BAZ1B: variants seen among roughly 807,000 people sequenced by gnomAD.
The protein encoded by BAZ1B is tyrosine-protein kinase BAZ1B.
Under a neutral mutation model 153.8 loss-of-function variants are expected in BAZ1B, and 22 were observed. The ratio of observed to expected loss-of-function variants is 0.14; its 90% CI spans 0.10 to 0.20. BAZ1B has a LOEUF of 0.20. BAZ1B is among the 10% of genes least tolerant of loss of function. The pLI is 1.00. For synonymous variants in BAZ1B, 676 were observed against 633.4 expected, an observed-to-expected ratio of 1.07 and a Z score of -1.01; for missense variants, 1,325 against 1,799.3, an observed-to-expected ratio of 0.74 and a Z score of 4.77.
At chr7:73,465,142 C>A (rs528631526) in intron 11 of BAZ1B, among the ~76,000 whole-genome samples, 30 of 152,268 alleles carry the variant, frequency 2.0e-4, no homozygotes, top group African/African-American at 6.7e-4. Context: ...TGGACACCCA[C>A]CCATCTGGGC....
chr7:73,467,601 G>A (rs548568291), intron 9 of BAZ1B, among the ~76,000 whole-genome samples: 1 of 152,168 alleles, frequency 6.6e-6, no homozygotes, highest in Non-Finnish European at 1.5e-5. Flanking sequence ...TAACTCTTGA[G>A]CTCAAGTGAT....
At chr7:73,507,315 T>C (rs1280832246) in intron 3 of BAZ1B, 1 of 152,128 alleles carries the variant, frequency 6.6e-6, no homozygotes, top group African/African-American at 2.4e-5. Flanking sequence ...TCCCAGCACT[T>C]TGGAAGGCCA....
chr7:73,510,870 G>A lies in BAZ1B; in HGVS notation c.108-18C>T. On this transcript the variant is annotated intron_variant, in intron 1 of 19. Coordinates refer to ENST00000339594, the MANE Select transcript of BAZ1B (RefSeq NM_032408.4). ...CATACTCTCTGTTGGCAGTAGTTCA[G>A]GAAAACAATATGCAAGCAACAGAGA... is the stretch of plus-strand genomic sequence containing the variant. 1 of 1,605,322 alleles carries A rather than the reference G, an allele frequency of 6.2e-7. No individual in the cohort carries two copies. The highest frequency in any genetic ancestry group is 2.2e-5 in the East Asian group (1 of 44,826).
intron 9 of BAZ1B, among the ~76,000 whole-genome samples, chr7:73,467,365 T>C (rs1432334089): frequency 3.3e-5 from 5 of 151,984 alleles, no homozygotes; most frequent in Admixed American, 6.6e-5. Context: ...ATTGGGTAAT[T>C]TATTTATTTT....
intron 1 of BAZ1B, 89 bp from the exon 2 acceptor site, chr7:73,510,941 A>G: frequency 9.3e-7 from 1 of 1,077,818 alleles, no homozygotes; most frequent in Non-Finnish European, 1.4e-6. Flanking sequence ...AAAAAAATCT[A>G]GTCTCCTTTT....
At chr7:73,476,046 T>C (rs1328669156) in intron 7 of BAZ1B, among the ~76,000 whole-genome samples, 1 of 152,142 alleles carries the variant, frequency 6.6e-6, no homozygotes, top group African/African-American at 2.4e-5. Context: ...AACATTATGC[T>C]AAGTGAAAGT....
chr7:73,483,815 G>A (rs1056099299), intron 6 of BAZ1B, among the ~76,000 whole-genome samples: 1 of 151,906 alleles, frequency 6.6e-6, no homozygotes, highest in African/African-American at 2.4e-5. Flanking sequence ...TTAATTTTTT[G>A]TGTATGTAGA....
chr7:73,509,942 C>T (rs528309806), intron 2 of BAZ1B, among the ~76,000 whole-genome samples: 1 of 151,090 alleles, frequency 6.6e-6, no homozygotes, highest in Admixed American at 6.6e-5. Context: ...GCCTGGCTAA[C>T]ATGGTGAAAC....
At chr7:73,507,655 T>C (rs1044662802) in intron 3 of BAZ1B, among the ~76,000 whole-genome samples, 2 of 152,142 alleles carry the variant, frequency 1.3e-5, no homozygotes, top group Non-Finnish European at 2.9e-5. Context: ...CAACAAAGTG[T>C]TGCAATTATT....
intron 7 of BAZ1B, among the ~76,000 whole-genome samples, chr7:73,476,267 C>T (rs1428761578): frequency 2.6e-5 from 4 of 152,076 alleles, no homozygotes; most frequent in East Asian, 1.9e-4. Flanking sequence ...ACTGAAAACA[C>T]TAAATTATAC....
intron 11 of BAZ1B, among the ~76,000 whole-genome samples, chr7:73,463,692 C>A (rs189748489): frequency 3.9e-5 from 6 of 152,012 alleles, no homozygotes; most frequent in Non-Finnish European, 5.9e-5. Context: ...TGTATACCGA[C>A]ATTTTCCTTT....
chr7:73,447,846 T>A (rs1402370470), intron 15 of BAZ1B, among the ~76,000 whole-genome samples: 1 of 152,240 alleles, frequency 6.6e-6, no homozygotes, highest in Non-Finnish European at 1.5e-5. Flanking sequence ...AGCTTGCAGA[T>A]GACCATAATA....
chr7:73,469,712 C>T (rs1788724493), intron 8 of BAZ1B, 62 bp from the exon 9 acceptor site: 1 of 1,581,324 alleles, frequency 6.3e-7, no homozygotes, highest in Admixed American at 1.7e-5. Flanking sequence ...GATGATTTTA[C>T]TGCTGGAGAA....
chr7:73,469,145 A>G (rs1424601003), intron 9 of BAZ1B, among the ~76,000 whole-genome samples: 86 of 151,828 alleles, frequency 5.7e-4, no homozygotes, highest in Admixed American at 1.2e-3. Flanking sequence ...AAAAAAAAAA[A>G]AAGAAGAAGA....
At position 73,460,390 on chromosome 7, in the gene BAZ1B, C is replaced by G. The variant is rs150390976; in HGVS notation, c.3250-672G>C. Among the ~76,000 whole-genome samples, 352 of 152,212 alleles carry G rather than the reference C, an allele frequency of 2.3e-3. 2 individuals carry two copies. The highest frequency in any genetic ancestry group is 8.3e-3 in the African/African-American group (346 of 41,532). ...AGAAAGTAAAATAAAAATTCACTGACTTTCCATCTTAATGTTTTTTTAATT... is the reference window on the plus strand; with the variant it reads ...AGAAAGTAAAATAAAAATTCACTGAGTTTCCATCTTAATGTTTTTTTAATT... On this transcript the variant is annotated intron_variant, in intron 12 of 19. Transcript: ENST00000339594.
At chr7:73,499,426 C>T (rs1790040302) in intron 3 of BAZ1B, among the ~76,000 whole-genome samples, 1 of 152,120 alleles carries the variant, frequency 6.6e-6, no homozygotes, top group African/African-American at 2.4e-5. Flanking sequence ...ACCTTTCCAC[C>T]TCTATCAAAA....
At chr7:73,462,899 G>A (rs889421549) in intron 12 of BAZ1B, 23 bp downstream of exon 12, 13 of 1,611,938 alleles carry the variant, frequency 8.1e-6, no homozygotes, top group Admixed American at 1.7e-5. Flanking sequence ...AGTAATCTAA[G>A]GGGGATTTTC....
intron 5 of BAZ1B, 119 bp downstream of exon 5, chr7:73,492,681 C>A (rs2116390889): frequency 2.0e-6 from 2 of 1,016,598 alleles, no homozygotes; most frequent in South Asian, 3.9e-5. Flanking sequence ...CAAAACCACT[C>A]AGAATCTGCT....
At chr7:73,457,604 C>T (rs1303460560) in intron 13 of BAZ1B, among the ~76,000 whole-genome samples, 1 of 152,186 alleles carries the variant, frequency 6.6e-6, no homozygotes, top group Non-Finnish European at 1.5e-5. Flanking sequence ...TATATTTGGT[C>T]CTTCTCCGCA....
Sources: allele counts gnomAD v4.1 joint callset (sites outside exome capture counted in the v4.1 genomes callset), GRCh38; gene constraint gnomAD v4.1.1; transcripts MANE v1.5; gene names NCBI Gene and HGNC (gene_info 2026-07-23, HGNC 2026-07-21).